Variants in ANKFY1 observed in about 807,000 individuals in gnomAD.
The protein encoded by ANKFY1 is ankyrin repeat and FYVE domain containing 1.
In ANKFY1, 47 loss-of-function variants were observed where a neutral mutation model predicts 128.3. The ratio of observed to expected loss-of-function variants is 0.37; its 90% CI spans 0.29 to 0.47. The LOEUF (loss-of-function observed/expected upper bound fraction) is 0.47, where lower values mean the gene tolerates loss of function less well. Ranked by LOEUF, ANKFY1 falls within the 20% of genes least tolerant of loss-of-function variation. The probability of loss-of-function intolerance (pLI) is 1.00; values close to 1 mark genes in which losing one functional copy is unlikely to be tolerated. For synonymous variants in ANKFY1, 553 were observed against 601.6 expected (o/e 0.92, Z 1.18); for missense variants, 1,222 against 1,510.6 (o/e 0.81, Z 3.17).
In ANKFY1 at chr17:4,238,152, T is replaced by A. The variant is rs1248687458; in HGVS notation, c.204-2262A>T. On this transcript the variant is annotated intron_variant, in intron 2 of 24. Transcript: ENST00000341657. Reference sequence around the variant, plus strand: ...AGTGAGACTCTGTCTCTTATTTATTTAAAAAAAAAAAAAAAAAAAAAAAAG... The same window carrying A: ...AGTGAGACTCTGTCTCTTATTTATTAAAAAAAAAAAAAAAAAAAAAAAAAG... Among the ~76,000 whole-genome samples the A allele has an allele frequency of 1.7e-4, 16 of 92,694 alleles. 1 individual carries two copies. In the East Asian group the frequency reaches 3.1e-3, roughly 18 times the overall value. The allele number at this position is 92,694 out of a possible 152,430, so 60.8% of individuals were successfully genotyped here.
chr17:4,259,363 C>T (rs778114603), intron 1 of ANKFY1, among the ~76,000 whole-genome samples: 1 of 152,192 alleles, frequency 6.6e-6, no homozygotes, highest in Non-Finnish European at 1.5e-5. Flanking sequence ...TCACTGCAAC[C>T]TCCACCTTCC....
chr17:4,173,231 G>A (rs1280845131), intron 21 of ANKFY1, 123 bp downstream of exon 21: 2 of 801,150 alleles, frequency 2.5e-6, no homozygotes, highest in Non-Finnish European at 4.2e-6. Context: ...ACCCGAAGCT[G>A]GTGAGGTGCC....
In ANKFY1 at chr17:4,169,283, G is replaced by C. The variant is rs1373290437; in HGVS notation, c.3292C>G (p.Leu1098Val). ...TCACACCACGGAGGCTCCTTGGACA[G>C]CATATCTGCAACACAGGGGGGAGGC... ...KQLLFRLLDM[L>V]SKEPPWCDGS... Residue 1098 changes from leucine to valine, a missense_variant, in exon 24 of 25, where the codon CTG becomes GTG. Transcript: ENST00000341657. The surrounding 1 kb of genome is among the most constrained non-coding windows in gnomAD (Gnocchi z 5.0). 1 of 1,549,024 alleles carries C rather than the reference G, an allele frequency of 6.5e-7. No homozygotes were observed.
intron 3 of ANKFY1, among the ~76,000 whole-genome samples, chr17:4,234,083 C>T (rs1282609384): frequency 6.7e-6 from 1 of 150,028 alleles, no homozygotes; most frequent in Non-Finnish European, 1.5e-5. Context: ...AGCACAGTAA[C>T]ATGCTGTACA....
intron 1 of ANKFY1, among the ~76,000 whole-genome samples, chr17:4,261,548 C>T (rs898404061): frequency 1.3e-5 from 2 of 152,180 alleles, no homozygotes; most frequent in African/African-American, 4.8e-5. Flanking sequence ...CCTAGCTATC[C>T]CCCTGCTAAT....
At chr17:4,251,990 T>C (rs2143497349) in intron 1 of ANKFY1, among the ~76,000 whole-genome samples, 1 of 140,986 alleles carries the variant, frequency 7.1e-6, no homozygotes, top group African/African-American at 2.7e-5. Flanking sequence ...GCTGAGATCA[T>C]ACCACTGCAC....
chr17:4,191,342 C>T (rs879358385), intron 10 of ANKFY1: 2 of 149,800 alleles, frequency 1.3e-5, no homozygotes, highest in Admixed American at 1.3e-4. Flanking sequence ...AATCTGGAGA[C>T]TCTTAGTTGA....
intron 1 of ANKFY1, among the ~76,000 whole-genome samples, chr17:4,257,544 C>T (rs1048865473): frequency 1.3e-5 from 2 of 152,114 alleles, no homozygotes; most frequent in Non-Finnish European, 2.9e-5. Flanking sequence ...AAAGGAGGGC[C>T]ATTTTTCAAA....
chr17:4,215,782 A>G (rs2060211954), intron 4 of ANKFY1, among the ~76,000 whole-genome samples: 1 of 152,246 alleles, frequency 6.6e-6, no homozygotes, highest in Non-Finnish European at 1.5e-5. Flanking sequence ...TACAAAAGCA[A>G]TTTAATTTAC....
intron 1 of ANKFY1, among the ~76,000 whole-genome samples, chr17:4,262,082 T>G (rs943853826): frequency 6.6e-6 from 1 of 152,216 alleles, no homozygotes; most frequent in Non-Finnish European, 1.5e-5. Flanking sequence ...CCCCAGCACT[T>G]AGAGAGGCCA....
At chr17:4,263,699 C>G (rs935751042) in intron 1 of ANKFY1, 1 of 1,500,566 alleles carries the variant, frequency 6.7e-7, no homozygotes, top group Non-Finnish European at 8.8e-7. Flanking sequence ...AGCCCGGCTC[C>G]GCAGCCGGCC....
Position 4,251,549 on chromosome 17 carries a change from AC to A in ANKFY1, c.11-9102del, listed in dbSNP as rs1302114540. On this transcript the variant is annotated intron_variant, in intron 1 of 24. Transcript: ENST00000341657. Reference sequence around the variant, plus strand: ...TAAATAAAAATTAAAAAAAAAAAAAACAAAAACTACAGAACTTCCAGACTAA... The same window carrying A: ...TAAATAAAAATTAAAAAAAAAAAAAAAAAAACTACAGAACTTCCAGACTAA... Among the ~76,000 whole-genome samples the A allele has an allele frequency of 4.7e-3, 684 of 146,844 alleles. 5 individuals are homozygous for A. Among genetic ancestry groups the A allele is most frequent in the African/African-American group, 0.016 (652 of 40,388 alleles).
intron 16 of ANKFY1, among the ~76,000 whole-genome samples, chr17:4,180,742 G>A (rs549598203): frequency 2.5e-5 from 3 of 120,510 alleles, no homozygotes; most frequent in East Asian, 5.1e-4. Context: ...GCCTGGGTGA[G>A]AGAGCAAGAC....
At chr17:4,238,251 A>G (rs1250974513) in intron 2 of ANKFY1, among the ~76,000 whole-genome samples, 1 of 151,432 alleles carries the variant, frequency 6.6e-6, no homozygotes, top group Non-Finnish European at 1.5e-5. Flanking sequence ...GGCTACTAAG[A>G]TGTACATAAA....
chr17:4,209,732 C>T, intron 5 of ANKFY1, 92 bp downstream of exon 5: 1 of 1,425,100 alleles, frequency 7.0e-7, no homozygotes, highest in African/African-American at 1.4e-5. Flanking sequence ...AACCAGGTGC[C>T]AGAGAGGTCA....
chr17:4,237,419 C>T (rs181618845), intron 2 of ANKFY1, among the ~76,000 whole-genome samples: 34 of 152,256 alleles, frequency 2.2e-4, no homozygotes, highest in Admixed American at 6.5e-4. Context: ...GAACATCAAA[C>T]TGTATCAGCA....
Position 4,208,075 on chromosome 17 carries a change from A to G in ANKFY1, c.590T>C (p.Leu197Pro). 6.2e-7 allele frequency: 1 copy of G among 1,603,856 alleles called. No individual in the cohort carries two copies. Among genetic ancestry groups the G allele is most frequent in the Non-Finnish European group, 8.5e-7 (1 of 1,176,058 alleles). The change falls in exon 6 of 25, where the codon CTG (leucine) becomes CCG (proline). Residue 197 changes from leucine (L) to proline (P), a missense_variant. Physicochemically the swap from Leu to Pro is moderately conservative, Grantham distance 98. Coordinates refer to ENST00000341657, the MANE Select transcript of ANKFY1 (RefSeq NM_001330063.2). ...AEIIASHWDD[L>P]RKEDFSSMSA... ...CATGCTGCTGAAATCCTCCTTCCTC[A>G]GGTCGTCCTGAGAATTCACAACACA...
intron 3 of ANKFY1, among the ~76,000 whole-genome samples, chr17:4,219,725 AAAAG>A (rs1261986198): frequency 6.6e-6 from 1 of 152,204 alleles, no homozygotes; most frequent in Non-Finnish European, 1.5e-5. Flanking sequence ...AAAAAAAAGA[AAAAG>A]AAAAAGAAAA....
At position 4,178,735 on chromosome 17, in the gene ANKFY1, A is replaced by G; in HGVS notation, c.2598+122T>C. ...CTCAACAGCCACATCTTAGGACAGGAGTACAACTTCAAAACAAAGCTCTTT... is the reference window on the plus strand; with the variant it reads ...CTCAACAGCCACATCTTAGGACAGGGGTACAACTTCAAAACAAAGCTCTTT... On this transcript the variant is annotated intron_variant, in intron 18 of 24. Transcript: ENST00000341657. The surrounding 1 kb of genome is among the most constrained non-coding windows in gnomAD (Gnocchi z 4.1). 1 of 935,420 alleles carries G rather than the reference A, an allele frequency of 1.1e-6. No homozygotes were observed. Among genetic ancestry groups the G allele is most frequent in the East Asian group, 2.6e-5 (1 of 37,946 alleles). 57.9% of individuals were successfully genotyped at this position (935,420 alleles called of 1,614,324 possible).
Sources: gnomAD v4.1 joint callset for allele counts (sites outside exome capture counted in the v4.1 genomes callset) on GRCh38, gnomAD v4.1.1 for gene constraint, Gnocchi (gnomAD v3.1) non-coding constraint, MANE v1.5 for transcripts, NCBI Gene and HGNC (gene_info 2026-07-23, HGNC 2026-07-21) for gene names.